IQGAP2: variants seen among roughly 807,000 people sequenced by gnomAD.
IQGAP2 encodes the protein ras GTPase-activating-like protein IQGAP2.
In IQGAP2, 173 loss-of-function variants were observed where a neutral mutation model predicts 201.3. The ratio of observed to expected loss-of-function variants is 0.86; its 90% CI spans 0.76 to 0.98. IQGAP2 has a LOEUF of 0.98. Ranked by LOEUF, IQGAP2 falls within the 50% of genes least tolerant of loss-of-function variation. The pLI, the probability that IQGAP2 is intolerant of heterozygous loss-of-function variation, is 0.00. For missense variants in IQGAP2, 1,687 were observed against 1,864.8 expected (o/e 0.90, Z 1.76); for synonymous variants, 675 against 673.9 (o/e 1.00, Z -0.03).
intron 2 of IQGAP2, among the ~76,000 whole-genome samples, chr5:76,463,025 A>G (rs1446769320): frequency 6.6e-6 from 1 of 150,406 alleles, no homozygotes; most frequent in African/African-American, 2.4e-5. Context: ...CCTGAGGCTA[A>G]GGTGGGAGGA....
chr5:76,574,964 G>A (rs1389940966), intron 4 of IQGAP2, among the ~76,000 whole-genome samples: 1 of 152,176 alleles, frequency 6.6e-6, no homozygotes, highest in Non-Finnish European at 1.5e-5. Flanking sequence ...ATAGTATAAT[G>A]AAGGGGATGG....
chr5:76,658,449 G>A lies in IQGAP2; in HGVS notation c.2321-10G>A, dbSNP rs1742953398. ...TCCTAATTAAAGTATACCTGTTCCTGTCACTGCAGTTGGCTCTGAAAACCC... is the reference window on the plus strand; with the variant it reads ...TCCTAATTAAAGTATACCTGTTCCTATCACTGCAGTTGGCTCTGAAAACCC... On this transcript the variant is annotated splice_polypyrimidine_tract_variant and intron_variant, in intron 20 of 35. Coordinates refer to ENST00000274364, the MANE Select transcript of IQGAP2 (RefSeq NM_006633.5). 2 of 1,605,190 alleles carry A rather than the reference G, an allele frequency of 1.2e-6. No individual in the cohort carries two copies. The highest frequency in any genetic ancestry group is 1.7e-6 in the Non-Finnish European group (2 of 1,172,040).
At chr5:76,665,627 C>T (rs1242640484) in intron 22 of IQGAP2, among the ~76,000 whole-genome samples, 1 of 152,220 alleles carries the variant, frequency 6.6e-6, no homozygotes. Context: ...GTCTCCCCTT[C>T]TATGGGGGAA....
At chr5:76,625,987 C>T (rs1385252155) in intron 13 of IQGAP2, among the ~76,000 whole-genome samples, 1 of 152,186 alleles carries the variant, frequency 6.6e-6, no homozygotes, top group Non-Finnish European at 1.5e-5. Context: ...CCTGGAAGTT[C>T]CACTTAATAT....
At chr5:76,678,613 C>T (rs1253088556) in intron 28 of IQGAP2, among the ~76,000 whole-genome samples, 1 of 152,124 alleles carries the variant, frequency 6.6e-6, no homozygotes, top group Non-Finnish European at 1.5e-5. Context: ...AAATTAGAAC[C>T]TGCATTGTAA....
At chr5:76,684,409 G>T (rs1220348596) in intron 30 of IQGAP2, among the ~76,000 whole-genome samples, 1 of 152,152 alleles carries the variant, frequency 6.6e-6, no homozygotes, top group African/African-American at 2.4e-5. Flanking sequence ...TTTGTACCCT[G>T]CTTCCTGCCG....
chr5:76,592,585 G>A (rs1746736674), intron 8 of IQGAP2, among the ~76,000 whole-genome samples: 1 of 152,114 alleles, frequency 6.6e-6, no homozygotes, highest in Non-Finnish European at 1.5e-5. Flanking sequence ...ATACCAAGTG[G>A]TCCAAACTAA....
chr5:76,627,368 C>G (rs1257928598), intron 13 of IQGAP2, 42 bp from the exon 14 acceptor site: 1 of 1,234,712 alleles, frequency 8.1e-7, no homozygotes, highest in African/African-American at 1.5e-5. Flanking sequence ...GTTTCCTCAT[C>G]ATTCACTCTT....
intron 2 of IQGAP2, 87 bp from the exon 3 acceptor site, chr5:76,562,309 A>G (rs572925478): frequency 4.9e-5 from 47 of 965,332 alleles, no homozygotes; most frequent in Non-Finnish European, 7.3e-5. Flanking sequence ...TTTGTCTCCA[A>G]CACACACAGC....
At chr5:76,413,698 C>A (rs1362817966) in intron 1 of IQGAP2, among the ~76,000 whole-genome samples, 1 of 152,168 alleles carries the variant, frequency 6.6e-6, no homozygotes, top group Admixed American at 6.5e-5. Context: ...CTGAAGTTAC[C>A]AAGCATTCTC....
intron 7 of IQGAP2, 94 bp from the exon 8 acceptor site, chr5:76,590,314 G>C: frequency 1.0e-6 from 1 of 993,488 alleles, no homozygotes; most frequent in East Asian, 2.5e-5. Flanking sequence ...AAGAAAGAAA[G>C]TAAAACTGCT....
intron 11 of IQGAP2, among the ~76,000 whole-genome samples, chr5:76,602,720 C>G (rs1747511779): frequency 6.6e-6 from 1 of 152,102 alleles, no homozygotes; most frequent in East Asian, 1.9e-4. Flanking sequence ...ATTTTACTTC[C>G]AAAGTCAGCA....
In IQGAP2 at chr5:76,660,768, A is replaced by G. The variant is rs190331000; in HGVS notation, c.2529+2101A>G. ...AATGATTATTAAATATGTAGCTGTT[A>G]GCCTTGTCATTGACAGAATATTAGT... On this transcript the variant is annotated intron_variant, in intron 21 of 35. Transcript: ENST00000274364. Among the ~76,000 whole-genome samples, 334 of 152,358 alleles carry G rather than the reference A, an allele frequency of 2.2e-3. 2 individuals are homozygous for G. The highest frequency in any genetic ancestry group is 3.6e-3 in the Non-Finnish European group (247 of 68,034).
chr5:76,526,753 C>T (rs780916186), intron 2 of IQGAP2, among the ~76,000 whole-genome samples: 1 of 152,172 alleles, frequency 6.6e-6, no homozygotes, highest in East Asian at 1.9e-4. Flanking sequence ...GTAACTACTA[C>T]ACCTGCAGAG....
In IQGAP2 at chr5:76,403,619, T is replaced by C. The variant is rs1325168052; in HGVS notation, c.46+28T>C. The C allele has an allele frequency of 6.6e-7, 1 of 1,507,924 alleles. No homozygotes were observed. Among genetic ancestry groups the C allele is most frequent in the Non-Finnish European group, 8.8e-7 (1 of 1,130,048 alleles). 93.4% of individuals were successfully genotyped at this position (1,507,924 alleles called of 1,614,324 possible). A position where few individuals can be genotyped will look rare whatever the true frequency, so the allele number is the denominator to read the frequency against. ...AAGTGCGCCGGGCGCGCGGGGTTCC[T>C]GCTGGCCTTGGGGAGCTCCCTCCCC... On this transcript the variant is annotated intron_variant, in intron 1 of 35. Transcript: ENST00000274364. The surrounding 1 kb of genome is among the most constrained non-coding windows in gnomAD (Gnocchi z 4.8).
chr5:76,421,478 G>A (rs529481320), intron 1 of IQGAP2, among the ~76,000 whole-genome samples: 14 of 152,226 alleles, frequency 9.2e-5, no homozygotes, highest in Admixed American at 1.3e-4. Context: ...TTAGCTGGTC[G>A]TGGTGGTGTG....
intron 2 of IQGAP2, among the ~76,000 whole-genome samples, chr5:76,487,840 G>A (rs1580300988): frequency 6.6e-6 from 1 of 152,208 alleles, no homozygotes; most frequent in East Asian, 1.9e-4. Flanking sequence ...CAGAAAACAT[G>A]TTTGAATACT....
At chr5:76,527,026 G>T (rs1236713400) in intron 2 of IQGAP2, among the ~76,000 whole-genome samples, 1 of 152,196 alleles carries the variant, frequency 6.6e-6, no homozygotes, top group African/African-American at 2.4e-5. Flanking sequence ...CATCATCTCA[G>T]TGAGGGTGTG....
chr5:76,691,859 T>C (rs1432592287), intron 30 of IQGAP2: 1 of 152,240 alleles, frequency 6.6e-6, no homozygotes, highest in African/African-American at 2.4e-5. Flanking sequence ...GTAATTAACT[T>C]GAAGGGTTTT....
Sources: gnomAD v4.1 joint callset for allele counts (sites outside exome capture counted in the v4.1 genomes callset) on GRCh38, gnomAD v4.1.1 for gene constraint, Gnocchi (gnomAD v3.1) non-coding constraint, MANE v1.5 for transcripts, NCBI Gene and HGNC (gene_info 2026-07-23, HGNC 2026-07-21) for gene names.